The following TNRC6B variants were observed in gnomAD, a reference collection of about 807,000 sequenced individuals.
The protein encoded by TNRC6B is trinucleotide repeat containing adaptor 6B.
In TNRC6B, 52 loss-of-function variants were observed where a neutral mutation model predicts 203.6. That is an observed-to-expected ratio of 0.26 (90% confidence interval 0.20 to 0.32). TNRC6B has a LOEUF of 0.32. TNRC6B is among the 10% of genes least tolerant of loss of function. TNRC6B has a pLI of 1.00. For synonymous variants in TNRC6B, 838 were observed against 845.7 expected, an observed-to-expected ratio of 0.99 and a Z score of 0.16; for missense variants, 1,923 against 2,286.2, an observed-to-expected ratio of 0.84 and a Z score of 3.24.
chr22:40,228,716 G>T (rs1260798312), intron 1 of TNRC6B, among the ~76,000 whole-genome samples: 2 of 151,518 alleles, frequency 1.3e-5, no homozygotes, highest in Non-Finnish European at 2.9e-5. Flanking sequence ...AGTAGGGACG[G>T]CGTTTCACCA....
rs565328166 is a variant in TNRC6B at position 40,141,110 on chromosome 22, A to G, written c.46-15005A>G. On this transcript the variant is annotated intron_variant, in intron 3 of 23. Transcript: ENST00000301923. The stretch of plus-strand genomic sequence containing the variant: ...TATTTGCTTTGTCATATTTGCTTCA[A>G]ATTTCTCTCTCTCTACTTTTTTTTT... Among the ~76,000 whole-genome samples, 10 of 151,944 alleles carry G rather than the reference A, an allele frequency of 6.6e-5. No homozygotes were observed. The East Asian group carries it at 1.3e-3, about 21-fold the overall frequency.
Position 40,172,878 on chromosome 22 carries a change from T to C in TNRC6B, c.113+16696T>C, listed in dbSNP as rs367996631. Among the ~76,000 whole-genome samples, 49 of 152,304 alleles carry C rather than the reference T, an allele frequency of 3.2e-4. No individual in the cohort carries two copies. In the South Asian group the frequency reaches 9.8e-3, roughly 30 times the overall value. On this transcript the variant is annotated intron_variant, in intron 4 of 23. Transcript: ENST00000301923. ...TGTTGTTCCCCTAATTTTTCTTGAG[T>C]TGATTTTGGTAACTTCTGTTTTCTT...
chr22:40,253,548 A>G (rs1333675828), intron 3 of TNRC6B: 11 of 455,018 alleles, frequency 2.4e-5, no homozygotes, highest in Non-Finnish European at 4.9e-5. Flanking sequence ...CCTACTATAT[A>G]ATGAAATACA....
rs2146500931 is a variant in TNRC6B at position 40,266,406 on chromosome 22, C to T, written c.2176C>T (p.Pro726Ser). 6.2e-7 allele frequency: 1 copy of T among 1,613,748 alleles called. No individual in the cohort carries two copies. Among genetic ancestry groups the T allele is most frequent in the Non-Finnish European group, 8.5e-7 (1 of 1,179,828 alleles). Residue 726 changes from proline to serine, a missense_variant, in exon 5 of 23, where the codon CCC becomes TCC. Pro to Ser is a moderately conservative substitution (Grantham distance 74). Around this residue, in one of 8 missense-constraint regions of TNRC6B, gnomAD observed 599 missense variants for 656.5 expected, o/e 0.91. Coordinates refer to ENST00000454349, the MANE Select transcript of TNRC6B (RefSeq NM_001162501.2). ...EKTPSSWNEN[P>S]SKDQGWGGGR... ...GACACCTTCCTCTTGGAATGAGAAT[C>T]CCAGCAAGGATCAGGGGTGGGGAGG...
In TNRC6B at chr22:40,335,265, T is replaced by C. The variant is rs913379581; in HGVS notation, c.*12024T>C. 6.9e-6 allele frequency: 1 copy of C among 145,112 alleles called. No individual in the cohort carries two copies. Among genetic ancestry groups the C allele is most frequent in the Non-Finnish European group, 1.5e-5 (1 of 66,586 alleles). The allele number at this position is 145,112 out of a possible 1,614,324, so 9.0% of individuals were successfully genotyped here. ...ACTGGTTTTACATGGACACAGAAAC[T>C]AGGCACTTTAGAGGTGCACTTGCAT... On this transcript the variant is annotated 3_prime_UTR_variant, in exon 23 of 23. Transcript: ENST00000454349.
At position 40,315,266 on chromosome 22, in the gene TNRC6B, A is replaced by C; in HGVS notation, c.4679-17A>C. 1 of 1,608,740 alleles carries C rather than the reference A, an allele frequency of 6.2e-7. No individual in the cohort carries two copies. The highest frequency in any genetic ancestry group is 8.5e-7 in the Non-Finnish European group (1 of 1,175,388). ...ACCGTCTAACCTTATTCCTTCCTTA[A>C]TTTTCTCTTCTTACAGCAAAGTTCC... On this transcript the variant is annotated splice_polypyrimidine_tract_variant and intron_variant, in intron 19 of 22. Transcript: ENST00000454349.
chr22:40,183,917 G>A (rs995782903), intron 1 of TNRC6B, among the ~76,000 whole-genome samples: 6 of 152,064 alleles, frequency 3.9e-5, no homozygotes, highest in East Asian at 3.9e-4. Flanking sequence ...GGCTGATCTC[G>A]AACTCCTGAC....
At chr22:40,310,204 C>T (rs1056904939) in intron 16 of TNRC6B, among the ~76,000 whole-genome samples, 1 of 152,146 alleles carries the variant, frequency 6.6e-6, no homozygotes, top group African/African-American at 2.4e-5. Flanking sequence ...ATGTGTGAGG[C>T]CACGGATCCC....
chr22:40,270,412 C>T, intron 6 of TNRC6B, 132 bp downstream of exon 6: 1 of 903,850 alleles, frequency 1.1e-6, no homozygotes, highest in Non-Finnish European at 1.5e-6. Flanking sequence ...CTCTGCTTTC[C>T]AGCTTCAAGC....
intron 1 of TNRC6B, among the ~76,000 whole-genome samples, chr22:40,233,147 AAAAAGAAAAAAAG>A (rs1406978816): frequency 6.6e-6 from 1 of 151,826 alleles, no homozygotes; most frequent in Non-Finnish European, 1.5e-5. Context: ...CGTCTCAAAA[AAAAAGAAAAAAAG>A]AAAAGAAAAG....
intron 1 of TNRC6B, among the ~76,000 whole-genome samples, chr22:40,075,150 ATATATATT>A (rs2067996194): frequency 1.4e-5 from 1 of 69,334 alleles, no homozygotes; most frequent in African/African-American, 1.1e-4. Flanking sequence ...ATATATATAT[ATATATATT>A]TTTTTTTTTT....
chr22:40,187,173 A>G (rs983019261), intron 1 of TNRC6B, among the ~76,000 whole-genome samples: 2 of 152,220 alleles, frequency 1.3e-5, no homozygotes, highest in African/African-American at 2.4e-5. Flanking sequence ...TGGACAGCAC[A>G]GGGAGGGTTA....
intron 1 of TNRC6B, among the ~76,000 whole-genome samples, chr22:40,099,899 C>T (rs999494021): frequency 5.5e-4 from 83 of 151,848 alleles, no homozygotes; most frequent in African/African-American, 1.9e-3. Flanking sequence ...TACAGGCGCC[C>T]GCCACCATGC....
chr22:40,275,741 C>G (rs2070633014), intron 7 of TNRC6B, among the ~76,000 whole-genome samples: 1 of 151,318 alleles, frequency 6.6e-6, no homozygotes, highest in Non-Finnish European at 1.5e-5. Flanking sequence ...GGTGAATCAC[C>G]TGAGGTCAAG....
At chr22:40,149,591 A>C (rs6001804) in intron 3 of TNRC6B, among the ~76,000 whole-genome samples, 72,062 of 150,344 alleles carry the variant, frequency 0.48, 20,280 homozygotes, top group African/African-American at 0.79. Context: ...AATCTCTTGA[A>C]CCCAGGAGGC....
chr22:40,114,446 T>A (rs1410213023), intron 1 of TNRC6B, among the ~76,000 whole-genome samples: 1 of 152,134 alleles, frequency 6.6e-6, no homozygotes, highest in East Asian at 1.9e-4. Flanking sequence ...TTAGCCTCTT[T>A]AGTAGCTGAG....
intron 4 of TNRC6B, among the ~76,000 whole-genome samples, chr22:40,172,868 T>G (rs2069015671): frequency 6.6e-6 from 1 of 152,192 alleles, no homozygotes; most frequent in South Asian, 2.1e-4. Flanking sequence ...TTCCCCTAAT[T>G]TTTCTTGAGT....
intron 3 of TNRC6B, among the ~76,000 whole-genome samples, chr22:40,153,642 A>G (rs759667165): frequency 2.0e-5 from 3 of 151,796 alleles, no homozygotes; most frequent in Non-Finnish European, 4.4e-5. Context: ...TAATTATAGC[A>G]TTCCATATGA....
intron 4 of TNRC6B, among the ~76,000 whole-genome samples, chr22:40,169,364 T>C (rs2068949702): frequency 1.3e-5 from 2 of 152,028 alleles, no homozygotes; most frequent in Non-Finnish European, 2.9e-5. Context: ...TCTTCTGACC[T>C]CATGATCCAC....
Sources: allele counts gnomAD v4.1 joint callset (sites outside exome capture counted in the v4.1 genomes callset), GRCh38; gene constraint gnomAD v4.1.1; regional missense constraint gnomAD v4.1.1; transcripts MANE v1.5; gene names NCBI Gene and HGNC (gene_info 2026-07-23, HGNC 2026-07-21).